PLXNA3: variants seen among roughly 807,000 people sequenced by gnomAD.
The protein encoded by PLXNA3 is plexin-A3.
In PLXNA3, 52 loss-of-function variants were observed where a neutral mutation model predicts 118.8. The ratio of observed to expected loss-of-function variants is 0.44; its 90% CI spans 0.35 to 0.55. PLXNA3 has a LOEUF of 0.55. Ranked by LOEUF, PLXNA3 falls within the 20% of genes least tolerant of loss-of-function variation. The pLI is 0.01. For synonymous variants in PLXNA3, 925 were observed against 762.4 expected (o/e 1.21, Z -3.51); for missense variants, 1,660 against 1,730.8 (o/e 0.96, Z 0.73).
Position 154,476,390 on chromosome X carries a change from G to A in PLXNA3, c.*3705G>A, listed in dbSNP as rs1036205737. On this transcript the variant is annotated 3_prime_UTR_variant, in exon 33 of 33. Coordinates refer to ENST00000369682, the MANE Select transcript of PLXNA3 (RefSeq NM_017514.5). Reference sequence around the variant, plus strand: ...AGAATTCACTTGAACCCGGGAAGTGGAGGTTGCGGTGAGCCAAGATCGCAC... The same window carrying A: ...AGAATTCACTTGAACCCGGGAAGTGAAGGTTGCGGTGAGCCAAGATCGCAC... 4 of 106,223 alleles carry A rather than the reference G, an allele frequency of 3.8e-5. No individual in the cohort carries two copies. The highest frequency in any genetic ancestry group is 1.4e-4 in the African/African-American group (4 of 28,849). 8.8% of individuals were successfully genotyped at this position (106,223 alleles called of 1,213,427 possible). A position where few individuals can be genotyped will look rare whatever the true frequency, so the allele number is the denominator to read the frequency against.
chrX:154,472,673 C>T lies in PLXNA3; in HGVS notation c.5604C>T (p.Ser1868=). The change falls in exon 33 of 33, where the codon TCC becomes TCT. Residue 1868 remains serine (S), a synonymous_variant. Coordinates refer to ENST00000369682, the MANE Select transcript of PLXNA3 (RefSeq NM_017514.5). ...TGGAACAGATCATCAGCCTCGTGTC[C>T]AGCGACAGCTAAGGTGGTGGAATCG... is the stretch of plus-strand genomic sequence containing the variant. ...QKLEQIISLV[S]SDS is the part of the protein sequence containing the mutation. 1 of 1,192,876 alleles carries T rather than the reference C, an allele frequency of 8.4e-7. No individual in the cohort carries two copies. The highest frequency in any genetic ancestry group is 1.7e-5 in the African/African-American group (1 of 57,498).
rs1569554486 is a variant in PLXNA3, at chrX:154,465,821, C to T, written c.2506C>T (p.Arg836Trp). The T allele has an allele frequency of 1.3e-5, 16 of 1,206,405 alleles. No homozygotes were observed. Among genetic ancestry groups the T allele is most frequent in the Non-Finnish European group, 1.7e-5 (15 of 892,507 alleles). ...GATGCACCTGAGCCAGAAGGGCACC[C>T]GGTGCAGCCACCCCCGCATCACGCA... Reference protein sequence around the residue: ...NWMHLSQKGTRCSHPRITQIH... With the variant: ...NWMHLSQKGTWCSHPRITQIH... The change falls in exon 13 of 33, where the codon CGG (arginine) becomes TGG (tryptophan). Residue 836 changes from arginine (R) to tryptophan (W), a missense_variant. This residue lies in a region of PLXNA3 where 869 missense variants were observed against 1,078.7 expected (regional missense o/e 0.81). Coordinates refer to ENST00000369682, the MANE Select transcript of PLXNA3 (RefSeq NM_017514.5).
rs148785068 is a variant in PLXNA3, at chrX:154,460,449, G to A, written c.266G>A (p.Arg89His). 654 of 1,202,527 alleles carry A rather than the reference G, an allele frequency of 5.4e-4. 3 individuals carry two copies. In the African/African-American group the frequency reaches 9.7e-3, roughly 18 times the overall value. The change falls in exon 2 of 33, where the codon CGC becomes CAC. Residue 89 changes from arginine to histidine, a missense_variant. By Grantham distance (29) the Arg-to-His change is conservative. Transcript: ENST00000369682. ...PPPSMRVCAH[R>H]LAPVDNINKL... ...CCCAGCATGCGCGTGTGTGCCCACC[G>A]CCTGGCCCCCGTGGACAACATCAAC...
chrX:154,473,062 A>C lies in PLXNA3; in HGVS notation c.*377A>C. 7.3e-6 allele frequency: 1 copy of C among 137,703 alleles called. No individual in the cohort carries two copies. The highest frequency in any genetic ancestry group is 1.5e-5 in the Non-Finnish European group (1 of 67,624). The allele number at this position is 137,703 out of a possible 1,213,427, so 11.3% of individuals were successfully genotyped here. On this transcript the variant is annotated 3_prime_UTR_variant, in exon 33 of 33. Coordinates refer to ENST00000369682, the MANE Select transcript of PLXNA3 (RefSeq NM_017514.5). ...CCCCCCACCGGATGTCGCCACCCTC[A>C]CTCACCTGCCTCTTCTTGAGCTGTC...
At position 154,476,836 on chromosome X, in the gene PLXNA3, T is replaced by G. The variant is rs1279854428; in HGVS notation, c.*4151T>G. 1.8e-5 allele frequency: 2 copies of G among 112,044 alleles called. No individual in the cohort carries two copies. The highest frequency in any genetic ancestry group is 3.8e-5 in the Non-Finnish European group (2 of 53,177). 9.2% of individuals were successfully genotyped at this position (112,044 alleles called of 1,213,427 possible). On this transcript the variant is annotated 3_prime_UTR_variant, in exon 33 of 33. Coordinates refer to ENST00000369682, the MANE Select transcript of PLXNA3 (RefSeq NM_017514.5). The stretch of plus-strand genomic sequence containing the variant: ...CTGGCCCAGTGTCCTGTGTGGAGTT[T>G]CCTGGTGGAGCCTGGCAGACACCCG...
chrX:154,461,917 GGGCCCAGGCTTC>G (rs1371239905), intron 3 of PLXNA3, among the ~76,000 whole-genome samples, 199 bp from the exon 4 acceptor site: 12 of 111,987 alleles, frequency 1.1e-4, no homozygotes, highest in Non-Finnish European at 5.7e-5. Flanking sequence ...AGAGTCTTGT[GGGCCCAGGCTTC>G]GCTCCTCGCT....
In PLXNA3 at chrX:154,470,102, C is replaced by T. The variant is rs1341759825; in HGVS notation, c.4921C>T (p.Arg1641Cys). Residue 1641 changes from arginine (R) to cysteine (C), a missense_variant, in exon 29 of 33, where the codon CGC (arginine) becomes TGC (cysteine). This residue lies in a region of PLXNA3 where 869 missense variants were observed against 1,078.7 expected (regional missense o/e 0.81). Coordinates refer to ENST00000369682, the MANE Select transcript of PLXNA3 (RefSeq NM_017514.5). ...GAAAAACCACGACCATGCCGACCAT[C>T]GCGAGGGGGACCGTGGCAGCAAGAT... Reference protein sequence around the residue: ...LVKNHDHADHREGDRGSKMVS... With the variant: ...LVKNHDHADHCEGDRGSKMVS... 8.3e-7 allele frequency: 1 copy of T among 1,211,407 alleles called. No individual in the cohort carries two copies. Among genetic ancestry groups the T allele is most frequent in the South Asian group, 1.8e-5 (1 of 57,025 alleles).
intron 17 of PLXNA3, 94 bp downstream of exon 17, chrX:154,466,887 A>G: frequency 1.1e-6 from 1 of 903,978 alleles, no homozygotes; most frequent in Non-Finnish European, 1.5e-6. Flanking sequence ...CCTGGAGCCT[A>G]GGCCCTCATT....
At chrX:154,461,720 C>G in intron 3 of PLXNA3, 82 bp downstream of exon 3, 1 of 965,962 alleles carries the variant, frequency 1.0e-6, no homozygotes, top group East Asian at 3.1e-5. Flanking sequence ...GCCAGTCATC[C>G]TGTCCCAGGC....
In PLXNA3 at chrX:154,467,321, C is replaced by A; in HGVS notation, c.3291C>A (p.His1097Gln). The change falls in exon 19 of 33, where the codon CAC (histidine) becomes CAA (glutamine). Residue 1097 changes from histidine to glutamine, a missense_variant. This residue lies in a region of PLXNA3 where 869 missense variants were observed against 1,078.7 expected (regional missense o/e 0.81). Coordinates refer to ENST00000369682, the MANE Select transcript of PLXNA3 (RefSeq NM_017514.5). ...CCCAGCCTCGGGCGCAAGGCGAGCA[C>A]CCTGATGAGTTTGGCTTCCTGCTGG... Reference protein sequence around the residue: ...GRPQPRAQGEHPDEFGFLLDH... With the variant: ...GRPQPRAQGEQPDEFGFLLDH... 1 of 1,207,342 alleles carries A rather than the reference C, an allele frequency of 8.3e-7. No homozygotes were observed. The highest frequency in any genetic ancestry group is 1.1e-6 in the Non-Finnish European group (1 of 895,488).
At position 154,476,501 on chromosome X, in the gene PLXNA3, C is replaced by T. The variant is rs1331420536; in HGVS notation, c.*3816C>T. 6.6e-5 allele frequency: 7 copies of T among 106,720 alleles called. No individual in the cohort carries two copies. Among genetic ancestry groups the T allele is most frequent in the South Asian group, 8.1e-4 (2 of 2,470 alleles). 8.8% of individuals were successfully genotyped at this position (106,720 alleles called of 1,213,427 possible). A position where few individuals can be genotyped will look rare whatever the true frequency, so the allele number is the denominator to read the frequency against. On this transcript the variant is annotated 3_prime_UTR_variant, in exon 33 of 33. Transcript: ENST00000369682. The stretch of plus-strand genomic sequence containing the variant: ...TGAAAGATCTAAATTGTCAACTATT[C>T]GTCAATAATTAATGTCTAAAAAATA...
At chrX:154,463,227 C>T (rs781897125) in intron 4 of PLXNA3, among the ~76,000 whole-genome samples, 164 bp from the exon 5 acceptor site, 3 of 110,721 alleles carry the variant, frequency 2.7e-5, no homozygotes, top group East Asian at 2.8e-4. Context: ...CATTTTCTGG[C>T]GTCTGCACCC....
Position 154,461,105 on chromosome X carries a change from C to T in PLXNA3, c.601C>T (p.Gln201Ter). 8.4e-7 allele frequency: 1 copy of T among 1,196,146 alleles called. No individual in the cohort carries two copies. The highest frequency in any genetic ancestry group is 1.1e-6 in the Non-Finnish European group (1 of 884,268). ...TCCTCCCCCTGCTCCCCAGGTGTAC[C>T]AGGATGAGTTTGTGTCCTCCCAGAT... Reference protein sequence around the residue: ...DSADMFSLVYQDEFVSSQIKI... With the variant: ...DSADMFSLVY The change falls in exon 3 of 33, where the codon CAG becomes TAG. Residue 201 changes from glutamine to a stop codon, truncating the protein, a stop_gained. Coordinates refer to ENST00000369682, the MANE Select transcript of PLXNA3 (RefSeq NM_017514.5). LOFTEE classifies it high-confidence loss of function.
At chrX:154,469,931 A>G in intron 28 of PLXNA3, 46 bp from the exon 29 acceptor site, 1 of 1,182,471 alleles carries the variant, frequency 8.5e-7, no homozygotes, top group Non-Finnish European at 1.1e-6. Flanking sequence ...AGAGTGGGGC[A>G]GGGGCCAGGT....
intron 11 of PLXNA3, 82 bp downstream of exon 11, chrX:154,465,300 G>C (rs2069060727): frequency 2.8e-6 from 3 of 1,054,000 alleles, no homozygotes; most frequent in Non-Finnish European, 3.9e-6. Context: ...CAGCTCTCTG[G>C]CAGGGAACTG....
chrX:154,469,754 T>A lies in PLXNA3; in HGVS notation c.4765T>A (p.Phe1589Ile), dbSNP rs1557208702. 1 of 1,209,876 alleles carries A rather than the reference T, an allele frequency of 8.3e-7. No homozygotes were observed. Among genetic ancestry groups the A allele is most frequent in the Admixed American group, 2.2e-5 (1 of 46,135 alleles). ...QVSAYNMANS[F>I]TFTRSLSRYE... is the part of the protein sequence containing the mutation. ...GTCTGCCTATAACATGGCCAACTCC[T>A]TCACCTTCACCCGCTCCCTCAGCCG... is the stretch of plus-strand genomic sequence containing the variant. Residue 1589 changes from phenylalanine (F) to isoleucine (I), a missense_variant, in exon 28 of 33, where the codon TTC becomes ATC. By Grantham distance (21) the Phe-to-Ile change is conservative. This residue lies in a region of PLXNA3 where 869 missense variants were observed against 1,078.7 expected (regional missense o/e 0.81). Transcript: ENST00000369682.
At position 154,461,357 on chromosome X, in the gene PLXNA3, C is replaced by G. The variant is rs781931954; in HGVS notation, c.853C>G (p.Arg285Gly). 8.3e-7 allele frequency: 1 copy of G among 1,211,972 alleles called. No homozygotes were observed. Among genetic ancestry groups the G allele is most frequent in the Non-Finnish European group, 1.1e-6 (1 of 895,544 alleles). ...YVEFPIGCSWRGVEYRLVQSA... is the reference protein window; with the variant it reads ...YVEFPIGCSWGGVEYRLVQSA... ...GGAATTCCCCATCGGCTGCTCCTGG[C>G]GCGGCGTGGAGTACCGCTTGGTGCA... Residue 285 changes from arginine to glycine, a missense_variant, in exon 3 of 33, where the codon CGC (arginine) becomes GGC (glycine). By Grantham distance (125) the Arg-to-Gly change is moderately radical. Around this residue, in one of 2 missense-constraint regions of PLXNA3, gnomAD observed 791 missense variants for 652.1 expected, o/e 1.21. Transcript: ENST00000369682.
Position 154,475,959 on chromosome X carries a change from A to G in PLXNA3, c.*3274A>G, listed in dbSNP as rs2069233488. Reference sequence around the variant, plus strand: ...CCAGGCGGGAAGATCACTGGAGCCCAGGAGTTCAGGACCAGCCTGGGCAAC... The same window carrying G: ...CCAGGCGGGAAGATCACTGGAGCCCGGGAGTTCAGGACCAGCCTGGGCAAC... On this transcript the variant is annotated 3_prime_UTR_variant, in exon 33 of 33. Transcript: ENST00000369682. The G allele has an allele frequency of 9.0e-6, 1 of 111,168 alleles. No homozygotes were observed. The highest frequency in any genetic ancestry group is 1.9e-5 in the Non-Finnish European group (1 of 52,961). The allele number at this position is 111,168 out of a possible 1,213,427, so 9.2% of individuals were successfully genotyped here. A position where few individuals can be genotyped will look rare whatever the true frequency, so the allele number is the denominator to read the frequency against.
At chrX:154,463,718 G>A (rs1557205742) in intron 6 of PLXNA3, 28 bp downstream of exon 6, 4 of 1,120,582 alleles carry the variant, frequency 3.6e-6, no homozygotes, top group African/African-American at 1.8e-5. Flanking sequence ...TGCTCGGGGA[G>A]TTGGAGGGCC....
Sources: gnomAD v4.1 joint callset for allele counts (sites outside exome capture counted in the v4.1 genomes callset) on GRCh38, gnomAD v4.1.1 for gene constraint, gnomAD v4.1.1 regional missense constraint, MANE v1.5 for transcripts, NCBI Gene and HGNC (gene_info 2026-07-23, HGNC 2026-07-21) for gene names.